The following SPRR2B variants were observed in gnomAD, a reference collection of about 807,000 sequenced individuals.
The protein encoded by SPRR2B is small proline rich protein 2B, also known as small proline-rich protein 2B.
Under a neutral mutation model 1.0 loss-of-function variants are expected in SPRR2B, and 1 was observed. That is an observed-to-expected ratio of 1.01 (90% CI 0.36 to 4.77). The LOEUF is 4.77. Ranked by LOEUF, SPRR2B falls within the 30% of genes most tolerant of loss-of-function variation. The pLI is 0.16. For missense variants in SPRR2B, 53 were observed against 88.7 expected, an observed-to-expected ratio of 0.60 and a Z score of 1.62; for synonymous variants, 27 against 33.4, an observed-to-expected ratio of 0.81 and a Z score of 0.66.
the SPRR2B span, among the ~76,000 whole-genome samples, chr1:153,083,804 CA>C: frequency 3.3e-5 from 5 of 152,172 alleles, no homozygotes; most frequent in Non-Finnish European, 7.3e-5. Flanking sequence ...AGAGAGGTGA[CA>C]GAGGCAGCAT....
the SPRR2B span, among the ~76,000 whole-genome samples, chr1:153,078,355 G>C: frequency 6.9e-6 from 1 of 144,594 alleles, no homozygotes. Context: ...TTCTTTTAAG[G>C]AGCTTACTTT....
chr1:153,083,926 C>A, the SPRR2B span, among the ~76,000 whole-genome samples: 1 of 152,194 alleles, frequency 6.6e-6, no homozygotes, highest in Non-Finnish European at 1.5e-5. Context: ...GACTTTAACC[C>A]TTGGGGAGCT....
chr1:153,076,624 A>C, the SPRR2B span, among the ~76,000 whole-genome samples: 1 of 152,242 alleles, frequency 6.6e-6, no homozygotes, highest in African/African-American at 2.4e-5. Flanking sequence ...ACACTAAGAA[A>C]AAAATCAAAA....
At chr1:153,084,263 C>T in the SPRR2B span, among the ~76,000 whole-genome samples, 1 of 152,122 alleles carries the variant, frequency 6.6e-6, no homozygotes, top group Non-Finnish European at 1.5e-5. Flanking sequence ...GCTTTCCTCT[C>T]CCCACCAGTA....
At chr1:153,080,728 C>T in the SPRR2B span, among the ~76,000 whole-genome samples, 1 of 152,118 alleles carries the variant, frequency 6.6e-6, no homozygotes. Flanking sequence ...TACAAACTAA[C>T]TCACAATCTT....
the SPRR2B span, among the ~76,000 whole-genome samples, chr1:153,080,272 T>C: frequency 1.3e-5 from 2 of 152,070 alleles, no homozygotes. Context: ...GCTAGAATAA[T>C]AAAAGTTTGA....
the SPRR2B span, among the ~76,000 whole-genome samples, chr1:153,085,080 A>C: frequency 2.6e-5 from 4 of 152,234 alleles, no homozygotes; most frequent in African/African-American, 9.6e-5. Flanking sequence ...ATAAGAAAGA[A>C]TCAGCACAAG....
the SPRR2B span, among the ~76,000 whole-genome samples, chr1:153,077,925 A>T: frequency 2.6e-5 from 4 of 152,212 alleles, no homozygotes; most frequent in Non-Finnish European, 5.9e-5. Flanking sequence ...ATCCCCAATG[A>T]AAACACAAAA....
chr1:153,087,421 T>C, the SPRR2B span, among the ~76,000 whole-genome samples: 1,266 of 152,150 alleles, frequency 8.3e-3, 7 homozygotes, highest in Non-Finnish European at 0.012. Context: ...CTGAAGGACA[T>C]TGAGACACAA....
upstream of SPRR2B, among the ~76,000 whole-genome samples, chr1:153,072,955 G>A (rs764550481): frequency 1.3e-5 from 2 of 152,122 alleles, no homozygotes; most frequent in Non-Finnish European, 2.9e-5. Flanking sequence ...CAAGAATGTG[G>A]TTTTATAATT....
chr1:153,075,215 G>T (rs1208955351), upstream of SPRR2B, among the ~76,000 whole-genome samples: 1 of 151,724 alleles, frequency 6.6e-6, no homozygotes, highest in Non-Finnish European at 1.5e-5. Flanking sequence ...TGATTGCAGG[G>T]GCCTGTAATC....
At chr1:153,084,566 T>G in the SPRR2B span, among the ~76,000 whole-genome samples, 1 of 152,130 alleles carries the variant, frequency 6.6e-6, no homozygotes. Context: ...CAACACACAG[T>G]CACCAGAAGG....
upstream of SPRR2B, among the ~76,000 whole-genome samples, chr1:153,076,137 A>G (rs1654763690): frequency 6.6e-6 from 1 of 152,192 alleles, no homozygotes; most frequent in Non-Finnish European, 1.5e-5. Context: ...TAGCTGTTTA[A>G]GACAATTAAA....
chr1:153,074,525 T>C (rs1022847337), upstream of SPRR2B, among the ~76,000 whole-genome samples: 8 of 152,218 alleles, frequency 5.3e-5, no homozygotes, highest in African/African-American at 1.9e-4. Context: ...AACATTCATA[T>C]GGTAGAATAG....
the SPRR2B span, among the ~76,000 whole-genome samples, chr1:153,081,312 A>C: frequency 6.6e-6 from 1 of 152,246 alleles, no homozygotes; most frequent in Non-Finnish European, 1.5e-5. Flanking sequence ...GAGGAAAATG[A>C]ATCATGATAT....
chr1:153,086,033 C>T, the SPRR2B span, among the ~76,000 whole-genome samples: 2 of 152,170 alleles, frequency 1.3e-5, no homozygotes, highest in African/African-American at 4.8e-5. Flanking sequence ...CTAAATGGAG[C>T]ACTAAATATA....
the SPRR2B span, among the ~76,000 whole-genome samples, chr1:153,080,911 G>T: frequency 6.6e-6 from 1 of 152,102 alleles, no homozygotes; most frequent in Non-Finnish European, 1.5e-5. Flanking sequence ...TAATTGAATC[G>T]ATAAACTGTG....
chr1:153,071,541 A>G (rs1490094563), intron 1 of SPRR2B, among the ~76,000 whole-genome samples, 28 bp downstream of exon 1: 1 of 152,186 alleles, frequency 6.6e-6, no homozygotes, highest in African/African-American at 2.4e-5. Context: ...CAGGGCAAAA[A>G]GAACAGAACT....
At chr1:153,084,732 A>G in the SPRR2B span, among the ~76,000 whole-genome samples, 1 of 152,080 alleles carries the variant, frequency 6.6e-6, no homozygotes, top group Admixed American at 6.6e-5. Flanking sequence ...ACAAGAATGG[A>G]CCCCACTGCC....
Sources: allele counts gnomAD v4.1 joint callset (sites outside exome capture counted in the v4.1 genomes callset), GRCh38; gene constraint gnomAD v4.1.1; transcripts MANE v1.5; gene names NCBI Gene and HGNC (gene_info 2026-07-23, HGNC 2026-07-21).